The following CCNY variants were observed in gnomAD, a reference collection of about 807,000 sequenced individuals.
CCNY encodes cyclin-Y.
CCNY carries 19 observed loss-of-function variants against 42.8 expected under a neutral mutation model. The observed-to-expected ratio is 0.44, with a 90% CI of 0.31 to 0.65. The LOEUF (loss-of-function observed/expected upper bound fraction) is 0.65. Ranked by LOEUF, CCNY falls within the 30% of genes least tolerant of loss-of-function variation. CCNY has a pLI of 0.07. For missense variants in CCNY, 370 were observed against 437.3 expected (o/e 0.85, Z 1.37); for synonymous variants, 165 against 162.7 (o/e 1.01, Z -0.11).
intron 1 of CCNY, among the ~76,000 whole-genome samples, chr10:35,435,190 G>A (rs1838501932): frequency 6.6e-6 from 1 of 152,220 alleles, no homozygotes; most frequent in Admixed American, 6.5e-5. Flanking sequence ...TGGATTTTAA[G>A]GCTAGGAGTT....
chr10:35,305,836 G>A (rs1307153277), intron 3 of CCNY, among the ~76,000 whole-genome samples: 2 of 152,162 alleles, frequency 1.3e-5, no homozygotes, highest in Admixed American at 1.3e-4. Flanking sequence ...TAGAGGTAAT[G>A]TCCCTGTGGA....
At chr10:35,271,551 A>C (rs773929343) in intron 3 of CCNY, among the ~76,000 whole-genome samples, 2 of 152,210 alleles carry the variant, frequency 1.3e-5, no homozygotes, top group Non-Finnish European at 2.9e-5. Context: ...CTATTTTACC[A>C]GAGCCTAACC....
chr10:35,342,786 C>T (rs1589046828), intron 1 of CCNY, among the ~76,000 whole-genome samples: 2 of 152,244 alleles, frequency 1.3e-5, no homozygotes, highest in Non-Finnish European at 2.9e-5. Flanking sequence ...GAAGGTTCCT[C>T]AGTTTGTTAG....
In CCNY at chr10:35,465,769, T is replaced by C. The variant is rs115391898; in HGVS notation, c.155-17635T>C. On this transcript the variant is annotated intron_variant, in intron 1 of 9. Transcript: ENST00000374704. ...CTCCAAATAAAAATCCAGCTCTGCGTGAGGCCCGTCGAAATCTCACCTGCT... is the reference window on the plus strand; with the variant it reads ...CTCCAAATAAAAATCCAGCTCTGCGCGAGGCCCGTCGAAATCTCACCTGCT... 6.9e-3 allele frequency among the ~76,000 whole-genome samples: 1,053 copies of C among 152,228 alleles called. 18 individuals carry two copies. The highest frequency in any genetic ancestry group is 0.024 in the African/African-American group (1,004 of 41,536).
At chr10:35,261,117 CA>C (rs2095719217) in intron 3 of CCNY, among the ~76,000 whole-genome samples, 1 of 150,024 alleles carries the variant, frequency 6.7e-6, no homozygotes, top group African/African-American at 2.5e-5. Flanking sequence ...CTTAAAAAAA[CA>C]AAAGAAAACA....
chr10:35,310,538 C>A (rs1185481461), intron 3 of CCNY, among the ~76,000 whole-genome samples: 1 of 152,188 alleles, frequency 6.6e-6, no homozygotes, highest in African/African-American at 2.4e-5. Flanking sequence ...GTGTATATCC[C>A]CTTTCCCTGT....
chr10:35,467,794 A>G (rs1839301602), intron 1 of CCNY, among the ~76,000 whole-genome samples: 1 of 152,232 alleles, frequency 6.6e-6, no homozygotes, highest in Admixed American at 6.5e-5. Flanking sequence ...GATAGCCTTT[A>G]TCAGATTAAG....
At chr10:35,324,144 G>A (rs1361748577) in intron 3 of CCNY, among the ~76,000 whole-genome samples, 1 of 152,076 alleles carries the variant, frequency 6.6e-6, no homozygotes, top group Non-Finnish European at 1.5e-5. Context: ...ATTCCTTTAA[G>A]AAGCCTCCAC....
intron 3 of CCNY, among the ~76,000 whole-genome samples, chr10:35,307,814 A>ATT (rs1392131046): frequency 7.9e-5 from 5 of 63,484 alleles, no homozygotes; most frequent in African/African-American, 1.5e-4. Context: ...ATATATATAT[A>ATT]TATATTTTTT....
chr10:35,416,160 CGT>C (rs57188309), intron 1 of CCNY, among the ~76,000 whole-genome samples: 736 of 144,006 alleles, frequency 5.1e-3, no homozygotes, highest in Middle Eastern at 0.014. Context: ...TTGTGGCACC[CGT>C]GTGTGTGTGT....
At chr10:35,377,076 G>A (rs1837068690) in intron 1 of CCNY, among the ~76,000 whole-genome samples, 1 of 152,204 alleles carries the variant, frequency 6.6e-6, no homozygotes. Flanking sequence ...ATATGCAATG[G>A]TGGTCCCATA....
At chr10:35,289,124 A>G (rs781165394) in intron 3 of CCNY, among the ~76,000 whole-genome samples, 6 of 152,154 alleles carry the variant, frequency 3.9e-5, no homozygotes, top group Non-Finnish European at 7.4e-5. Context: ...GATCTTGCAC[A>G]TACATTTGAA....
intron 7 of CCNY, among the ~76,000 whole-genome samples, chr10:35,544,019 CTAAG>C (rs1488347790): frequency 1.3e-5 from 2 of 151,998 alleles, no homozygotes; most frequent in Non-Finnish European, 2.9e-5. Flanking sequence ...ATGTTTTTAC[CTAAG>C]TGTTATTACA....
intron 3 of CCNY, among the ~76,000 whole-genome samples, chr10:35,289,145 A>C (rs910074165): frequency 2.6e-5 from 4 of 152,064 alleles, no homozygotes; most frequent in African/African-American, 9.7e-5. Flanking sequence ...TTGGTTAAAA[A>C]TTTTATTTTG....
chr10:35,564,336 A>G (rs992634100), intron 8 of CCNY, among the ~76,000 whole-genome samples: 13 of 151,980 alleles, frequency 8.6e-5, no homozygotes, highest in African/African-American at 3.1e-4. Flanking sequence ...CCGCCTGCCC[A>G]CAGGTCCCAG....
At chr10:35,389,269 A>C (rs1052229849) in intron 1 of CCNY, among the ~76,000 whole-genome samples, 1 of 151,990 alleles carries the variant, frequency 6.6e-6, no homozygotes, top group Non-Finnish European at 1.5e-5. Context: ...AGTCTACTAC[A>C]TTTTACAGAC....
rs941289335 is a variant in CCNY at position 35,373,971 on chromosome 10, G to A, written c.154+36764G>A. Among the ~76,000 whole-genome samples, 4 of 151,562 alleles carry A rather than the reference G, an allele frequency of 2.6e-5. No homozygotes were observed. The East Asian group carries it at 5.8e-4, about 22-fold the overall frequency. ...ACAAATAACTTTTTTCATGTTAATT[G>A]CATAGAAGGAAGTATCATTTTGTAC... On this transcript the variant is annotated intron_variant, in intron 1 of 9. Coordinates refer to ENST00000374704, the MANE Select transcript of CCNY (RefSeq NM_145012.6).
At chr10:35,472,628 C>T (rs1839412696) in intron 1 of CCNY, among the ~76,000 whole-genome samples, 1 of 152,160 alleles carries the variant, frequency 6.6e-6, no homozygotes, top group East Asian at 1.9e-4. Context: ...TGAATGAAAA[C>T]CATGGCAGAA....
chr10:35,305,578 A>G (rs146886492), intron 3 of CCNY, among the ~76,000 whole-genome samples: 1 of 152,350 alleles, frequency 6.6e-6, no homozygotes, highest in African/African-American at 2.4e-5. Flanking sequence ...TAAATGAGAC[A>G]GAGATTAGGT....
Sources: allele counts gnomAD v4.1 joint callset (sites outside exome capture counted in the v4.1 genomes callset), GRCh38; gene constraint gnomAD v4.1.1; transcripts MANE v1.5; gene names NCBI Gene and HGNC (gene_info 2026-07-23, HGNC 2026-07-21).